TOX: variants seen among roughly 807,000 people sequenced by gnomAD.
TOX encodes the protein thymocyte selection associated high mobility group box.
A neutral mutation model predicts 53.7 loss-of-function variants in TOX; 11 were observed. That is an observed-to-expected ratio of 0.20 (90% CI 0.13 to 0.34). The LOEUF (loss-of-function observed/expected upper bound fraction) is 0.34, where lower values mean the gene tolerates loss of function less well. Ranked by LOEUF, TOX falls within the 10% of genes least tolerant of loss-of-function variation. The pLI is 1.00. For missense variants in TOX, 570 were observed against 664.6 expected (o/e 0.86, Z 1.56); for synonymous variants, 225 against 245.3 (o/e 0.92, Z 0.77).
chr8:59,009,823 G>T (rs1426036779), intron 1 of TOX, among the ~76,000 whole-genome samples: 4 of 152,132 alleles, frequency 2.6e-5, no homozygotes, highest in Admixed American at 1.3e-4. Context: ...TCCTAGTTTT[G>T]CACTTTGTGC....
At chr8:58,996,035 A>G (rs1813554923) in intron 1 of TOX, among the ~76,000 whole-genome samples, 1 of 152,146 alleles carries the variant, frequency 6.6e-6, no homozygotes, top group Non-Finnish European at 1.5e-5. Context: ...ATGGAAATCT[A>G]TTCTTCGTCC....
intron 6 of TOX, among the ~76,000 whole-genome samples, chr8:58,825,386 T>C (rs1810348564): frequency 6.6e-6 from 1 of 152,226 alleles, no homozygotes; most frequent in African/African-American, 2.4e-5. Context: ...GCAGCATTTA[T>C]ACAAATTGCC....
At chr8:58,894,245 C>T (rs1263623494) in intron 3 of TOX, among the ~76,000 whole-genome samples, 1 of 152,208 alleles carries the variant, frequency 6.6e-6, no homozygotes, top group African/African-American at 2.4e-5. Flanking sequence ...GCACACCCTG[C>T]TACGGCAATC....
At chr8:59,033,192 C>T (rs1050860110) in intron 1 of TOX, among the ~76,000 whole-genome samples, 1 of 152,210 alleles carries the variant, frequency 6.6e-6, no homozygotes, top group Non-Finnish European at 1.5e-5. Flanking sequence ...GCATGACTCT[C>T]CCATTGTGAG....
At chr8:59,058,017 A>G (rs570875512) in intron 1 of TOX, among the ~76,000 whole-genome samples, 1 of 152,340 alleles carries the variant, frequency 6.6e-6, no homozygotes, top group East Asian at 1.9e-4. Flanking sequence ...GGAAAAAATA[A>G]TATTTTTAAA....
chr8:58,836,156 G>A (rs1810541890), intron 5 of TOX, among the ~76,000 whole-genome samples: 1 of 152,194 alleles, frequency 6.6e-6, no homozygotes, highest in Non-Finnish European at 1.5e-5. Context: ...GTGGCGTCAT[G>A]GGTGGAGCAG....
At chr8:58,883,635 C>T (rs1811420804) in intron 3 of TOX, among the ~76,000 whole-genome samples, 1 of 151,984 alleles carries the variant, frequency 6.6e-6, no homozygotes, top group Non-Finnish European at 1.5e-5. Context: ...ATTTTAATCA[C>T]TTACCAAAAA....
intron 1 of TOX, among the ~76,000 whole-genome samples, chr8:59,023,309 C>T (rs1376436022): frequency 9.2e-5 from 2 of 21,622 alleles, no homozygotes; most frequent in Admixed American, 5.3e-4. Flanking sequence ...GTGTTGCATG[C>T]ACCTTTCACA....
rs1482600898 is a variant in TOX at position 58,852,917 on chromosome 8, C to T, written c.412-1112G>A. On this transcript the variant is annotated intron_variant, in intron 3 of 8. Transcript: ENST00000361421. ...CAGATGTTTAGCAATGACCTGTCTG[C>T]AAATGTTATTGTGACGTGAAAATAC... Among the ~76,000 whole-genome samples, 4 of 152,302 alleles carry T rather than the reference C, an allele frequency of 2.6e-5. No individual in the cohort carries two copies. The East Asian group carries it at 7.7e-4, about 29-fold the overall frequency.
At chr8:59,105,833 T>C (rs1804890023) in intron 1 of TOX, among the ~76,000 whole-genome samples, 1 of 152,218 alleles carries the variant, frequency 6.6e-6, no homozygotes, top group Non-Finnish European at 1.5e-5. Flanking sequence ...AAAGCTTATG[T>C]ATGGCATAAT....
At chr8:58,937,538 T>G (rs912818197) in intron 3 of TOX, among the ~76,000 whole-genome samples, 1 of 152,302 alleles carries the variant, frequency 6.6e-6, no homozygotes, top group African/African-American at 2.4e-5. Flanking sequence ...GGAAAAAATC[T>G]CTGAGCCACA....
chr8:58,869,609 T>C (rs1164892454), intron 3 of TOX, among the ~76,000 whole-genome samples: 1 of 152,088 alleles, frequency 6.6e-6, no homozygotes, highest in African/African-American at 2.4e-5. Context: ...TTAACTCTCA[T>C]AAACACAAAT....
intron 3 of TOX, among the ~76,000 whole-genome samples, chr8:58,902,024 T>G (rs1811741254): frequency 6.6e-6 from 1 of 152,232 alleles, no homozygotes; most frequent in Non-Finnish European, 1.5e-5. Context: ...ACACTATTTC[T>G]GGTTTAATTT....
intron 1 of TOX, among the ~76,000 whole-genome samples, chr8:59,115,717 T>G (rs1034819136): frequency 2.0e-5 from 3 of 152,214 alleles, no homozygotes; most frequent in Non-Finnish European, 2.9e-5. Flanking sequence ...TTTCCAACAC[T>G]GACCTATATA....
intron 1 of TOX, among the ~76,000 whole-genome samples, chr8:59,074,520 A>G (rs761297288): frequency 9.9e-5 from 15 of 152,172 alleles, no homozygotes; most frequent in Admixed American, 7.2e-4. Flanking sequence ...CGACGGATGA[A>G]TCTTATTATT....
At chr8:58,938,763 C>T (rs1305164092) in intron 3 of TOX, among the ~76,000 whole-genome samples, 1 of 152,188 alleles carries the variant, frequency 6.6e-6, no homozygotes, top group East Asian at 1.9e-4. Context: ...TGTTAGACAA[C>T]AGGTCCAGTA....
intron 1 of TOX, among the ~76,000 whole-genome samples, chr8:59,092,768 T>C (rs1804647314): frequency 6.6e-6 from 1 of 152,166 alleles, no homozygotes; most frequent in Non-Finnish European, 1.5e-5. Flanking sequence ...AGCCTCTTTT[T>C]GTGCTGTGTG....
At chr8:58,822,103 G>A (rs1424155999) in intron 6 of TOX, among the ~76,000 whole-genome samples, 2 of 152,158 alleles carry the variant, frequency 1.3e-5, no homozygotes, top group African/African-American at 2.4e-5. Context: ...GTTTCTCTAT[G>A]GAAAGAAGTT....
chr8:58,980,052 A>T (rs1813173206), intron 1 of TOX, among the ~76,000 whole-genome samples: 1 of 152,214 alleles, frequency 6.6e-6, no homozygotes, highest in South Asian at 2.1e-4. Flanking sequence ...TAGCTCTGTA[A>T]ATTTAATAAA....
Sources: gnomAD v4.1 joint callset for allele counts (sites outside exome capture counted in the v4.1 genomes callset) on GRCh38, gnomAD v4.1.1 for gene constraint, MANE v1.5 for transcripts, NCBI Gene and HGNC (gene_info 2026-07-23, HGNC 2026-07-21) for gene names.